The following OTOF variants were observed in gnomAD, a reference collection of about 807,000 sequenced individuals.
The protein encoded by OTOF is fer-1-like family member 2.
A neutral mutation model predicts 236.8 loss-of-function variants in OTOF; 218 were observed. That is an observed-to-expected ratio of 0.92 (90% confidence interval 0.82 to 1.03). The LOEUF (loss-of-function observed/expected upper bound fraction) is 1.03, where lower values mean the gene tolerates loss of function less well. Ranked by LOEUF, OTOF falls within the 50% of genes least tolerant of loss-of-function variation. The pLI, the probability that OTOF is intolerant of heterozygous loss-of-function variation, is 0.00. For missense variants in OTOF, 2,590 were observed against 2,694.4 expected, an observed-to-expected ratio of 0.96 and a Z score of 0.86; for synonymous variants, 1,041 against 1,072.5, an observed-to-expected ratio of 0.97 and a Z score of 0.57.
At chr2:26,471,406 T>A (rs367644339) in intron 30 of OTOF, among the ~76,000 whole-genome samples, 1 of 152,182 alleles carries the variant, frequency 6.6e-6, no homozygotes, top group African/African-American at 2.4e-5. Context: ...CGTTCTGCCC[T>A]TCCCTGTAGG....
chr2:26,542,774 A>G (rs1667238152), intron 1 of OTOF, among the ~76,000 whole-genome samples: 1 of 152,160 alleles, frequency 6.6e-6, no homozygotes, highest in African/African-American at 2.4e-5. Context: ...TGGAAGCAAG[A>G]CTGGAGAGGG....
rs1208986904 is a variant in OTOF, at chr2:26,483,445, A to G, written c.1392+17T>C. The G allele has an allele frequency of 1.2e-6, 2 of 1,612,410 alleles. No individual in the cohort carries two copies. Among genetic ancestry groups the G allele is most frequent in the South Asian group, 2.2e-5 (2 of 91,044 alleles). On this transcript the variant is annotated intron_variant, in intron 13 of 46. Transcript: ENST00000272371. ...CTGTCACCCAGCCCCAGCCTCCTGT[A>G]CCTCATACCCCAGTACCTTCTGGCC...
intron 1 of OTOF, among the ~76,000 whole-genome samples, chr2:26,549,170 A>T (rs1396095339): frequency 6.6e-6 from 1 of 152,166 alleles, no homozygotes; most frequent in Non-Finnish European, 1.5e-5. Flanking sequence ...ATTAATTTCC[A>T]AATATTTGGA....
rs554456389 is a variant in OTOF, at chr2:26,545,912, T to C, written c.80-8138A>G. Among the ~76,000 whole-genome samples, 303 of 152,328 alleles carry C rather than the reference T, an allele frequency of 2.0e-3. 1 individual carries two copies. The highest frequency in any genetic ancestry group is 3.3e-3 in the Non-Finnish European group (226 of 68,024). On this transcript the variant is annotated intron_variant, in intron 1 of 46. Transcript: ENST00000272371. The stretch of plus-strand genomic sequence containing the variant: ...CACTTTCTTAATTCCTTTAACTTTA[T>C]AGTTAGACTTATAATTAAATATAGT...
intron 1 of OTOF, among the ~76,000 whole-genome samples, chr2:26,546,798 G>T (rs1667345132): frequency 6.7e-6 from 1 of 148,768 alleles, no homozygotes; most frequent in African/African-American, 2.5e-5. Flanking sequence ...TTTGTTTTTA[G>T]GGTGGAAGTC....
intron 1 of OTOF, among the ~76,000 whole-genome samples, chr2:26,550,714 C>T (rs1667439423): frequency 6.6e-6 from 1 of 152,194 alleles, no homozygotes; most frequent in South Asian, 2.1e-4. Context: ...GCTCCTTCCT[C>T]TCTCATGGCG....
At chr2:26,514,455 G>T (rs1199128478) in intron 5 of OTOF, among the ~76,000 whole-genome samples, 6 of 152,244 alleles carry the variant, frequency 3.9e-5, no homozygotes, top group Non-Finnish European at 8.8e-5. Context: ...GGGACTCTAA[G>T]CTCTCCAGAG....
Position 26,530,546 on chromosome 2 carries a change from G to A in OTOF, c.139-2626C>T, listed in dbSNP as rs114254945. On this transcript the variant is annotated intron_variant, in intron 2 of 46. Transcript: ENST00000272371. The stretch of plus-strand genomic sequence containing the variant: ...CTCACTGAGTCACAGCAGCTTCTTC[G>A]GTCTCTGACTTGCTCCCACCTTACA... Among the ~76,000 whole-genome samples, 1,465 of 152,204 alleles carry A rather than the reference G, an allele frequency of 9.6e-3. 24 individuals carry two copies. Among genetic ancestry groups the A allele is most frequent in the African/African-American group, 0.034 (1,419 of 41,520 alleles).
chr2:26,552,038 A>C lies in OTOF; in HGVS notation c.79+6455T>G, dbSNP rs912746330. ...GGATGGTACAACATAGGGCCATGATACTGTTCTCCCCACTCTTGTATGTAT... is the reference window on the plus strand; with the variant it reads ...GGATGGTACAACATAGGGCCATGATCCTGTTCTCCCCACTCTTGTATGTAT... On this transcript the variant is annotated intron_variant, in intron 1 of 46. Coordinates refer to ENST00000272371, the MANE Select transcript of OTOF (RefSeq NM_194248.3). Among the ~76,000 whole-genome samples, 3 of 150,350 alleles carry C rather than the reference A, an allele frequency of 2.0e-5. No homozygotes were observed. The Admixed American group carries it at 2.0e-4, about 10-fold the overall frequency.
At chr2:26,481,388 AC>A (rs1323054059) in intron 14 of OTOF, among the ~76,000 whole-genome samples, 1 of 151,612 alleles carries the variant, frequency 6.6e-6, no homozygotes, top group Non-Finnish European at 1.5e-5. Flanking sequence ...GCCAGTGCAG[AC>A]CCCTCCCCTC....
intron 3 of OTOF, 66 bp downstream of exon 3, chr2:26,527,766 C>T: frequency 8.6e-7 from 1 of 1,158,906 alleles, no homozygotes; most frequent in Non-Finnish European, 1.3e-6. Context: ...CAGAGGGTAG[C>T]CCAAGGAGAA....
rs1666607376 is a variant in OTOF at position 26,519,018 on chromosome 2, T to C, written c.319A>G (p.Ile107Val). ...TDTLIDDNNA[I>V]IKTSLCVEVR... ...CCGTGGGGCATACCCACCTTGATGA[T>C]AGCATTGTTGTCATCAATCAGCGTG... Residue 107 changes from isoleucine (I) to valine (V), a missense_variant, in exon 4 of 47, where the codon ATC becomes GTC. Ile to Val is a conservative substitution (Grantham distance 29). Around this residue, in one of 2 missense-constraint regions of OTOF, gnomAD observed 1,379 missense variants for 1,341.6 expected, o/e 1.03. Transcript: ENST00000272371. 5 of 1,605,220 alleles carry C rather than the reference T, an allele frequency of 3.1e-6. No homozygotes were observed. In the Admixed American group the frequency reaches 5.0e-5, roughly 16 times the overall value.
At chr2:26,518,873 C>T (rs1296853657) in intron 4 of OTOF, 137 bp downstream of exon 4, 2 of 721,254 alleles carry the variant, frequency 2.8e-6, no homozygotes, top group Non-Finnish European at 5.0e-6. Context: ...CAGAGTCTGA[C>T]CTGAGTCTCC....
chr2:26,477,583 C>T lies in OTOF; in HGVS notation c.2315+66G>A. ...TAGATTCTTCCTCATCTGCCCAGCC[C>T]TGGCAGGGTCCCCTTTGTCCAGTTC... On this transcript the variant is annotated intron_variant, in intron 19 of 46. Transcript: ENST00000272371. This position sits in a 1 kb window ranked among gnomAD's most constrained non-coding sequence, Gnocchi z 4.7. 10 of 1,602,554 alleles carry T rather than the reference C, an allele frequency of 6.2e-6. No individual in the cohort carries two copies. Among genetic ancestry groups the T allele is most frequent in the South Asian group, 1.1e-5 (1 of 90,326 alleles).
rs1664945850 is a variant in OTOF at position 26,470,922 on chromosome 2, A to G, written c.3894+199T>C. Among the ~76,000 whole-genome samples the G allele has an allele frequency of 6.6e-6, 1 of 152,114 alleles. No individual in the cohort carries two copies. Among genetic ancestry groups the G allele is most frequent in the Admixed American group, 6.6e-5 (1 of 15,264 alleles). On this transcript the variant is annotated intron_variant, in intron 31 of 46. Transcript: ENST00000272371. This position sits in a 1 kb window ranked among gnomAD's most constrained non-coding sequence, Gnocchi z 4.3. ...CAGAGTGTTGTGACCTGCCAGTGCGATCCACTCGCCCAAGCAGGACTGGCA... is the reference window on the plus strand; with the variant it reads ...CAGAGTGTTGTGACCTGCCAGTGCGGTCCACTCGCCCAAGCAGGACTGGCA...
At chr2:26,459,546 T>A (rs954371776) in intron 46 of OTOF, among the ~76,000 whole-genome samples, 3 of 134,142 alleles carry the variant, frequency 2.2e-5, no homozygotes, top group Non-Finnish European at 3.1e-5. Flanking sequence ...AGCGAGACTC[T>A]GTCTCCAAAA....
intron 5 of OTOF, among the ~76,000 whole-genome samples, chr2:26,513,062 G>A (rs1031574590): frequency 3.3e-5 from 5 of 152,206 alleles, no homozygotes; most frequent in African/African-American, 4.8e-5. Context: ...AGTGGGCAGA[G>A]TGGCTCAGAG....
At position 26,472,819 on chromosome 2, in the gene OTOF, C is replaced by T. The variant is rs376301534; in HGVS notation, c.3734-170G>A. Among the ~76,000 whole-genome samples, 12 of 152,120 alleles carry T rather than the reference C, an allele frequency of 7.9e-5. No individual in the cohort carries two copies. The East Asian group carries it at 1.9e-3, about 24-fold the overall frequency. ...TGGGCATGGGGAGGGAAGAAGAGAG[C>T]CCGAGATAAGGGGAAGCTGCGGAGG... On this transcript the variant is annotated intron_variant, in intron 29 of 46. Coordinates refer to ENST00000272371, the MANE Select transcript of OTOF (RefSeq NM_194248.3).
chr2:26,474,494 C>G lies in OTOF; in HGVS notation c.3288+19G>C. ...GCCTCCAGTCCCCAGGCCTCAGCCC[C>G]TCTTCCCTGCAGTCCCACCTGCAGC... On this transcript the variant is annotated intron_variant, in intron 26 of 46. Coordinates refer to ENST00000272371, the MANE Select transcript of OTOF (RefSeq NM_194248.3). 6.3e-7 allele frequency: 1 copy of G among 1,582,106 alleles called. No homozygotes were observed. The highest frequency in any genetic ancestry group is 8.6e-7 in the Non-Finnish European group (1 of 1,164,226).
Sources: gnomAD v4.1 joint callset for allele counts (sites outside exome capture counted in the v4.1 genomes callset) on GRCh38, gnomAD v4.1.1 for gene constraint, gnomAD v4.1.1 regional missense constraint, Gnocchi (gnomAD v3.1) non-coding constraint, MANE v1.5 for transcripts, NCBI Gene and HGNC (gene_info 2026-07-23, HGNC 2026-07-21) for gene names.